SLC35E4: variants seen among roughly 807,000 people sequenced by gnomAD.
SLC35E4 encodes solute carrier family 35 member E4.
In SLC35E4, 15 loss-of-function variants were observed where a neutral mutation model predicts 19.3. The ratio of observed to expected loss-of-function variants is 0.78; its 90% CI spans 0.52 to 1.20. The LOEUF is 1.20. Among genes scored for constraint, SLC35E4 ranks in the 50% most tolerant of loss-of-function variants. The pLI is 0.00. For missense variants in SLC35E4, 406 were observed against 472.3 expected, an observed-to-expected ratio of 0.86 and a Z score of 1.30; for synonymous variants, 219 against 219.9, an observed-to-expected ratio of 1.00 and a Z score of 0.04.
At chr22:30,654,335 TC>T in intron 2 of SLC35E4, 1 of 463,650 alleles carries the variant, frequency 2.2e-6, no homozygotes, top group Non-Finnish European at 4.3e-6. Context: ...TTCTCCTTCC[TC>T]TTCTCCTCCA....
chr22:30,640,363 C>T (rs551477750), intron 1 of SLC35E4, among the ~76,000 whole-genome samples: 1 of 134,332 alleles, frequency 7.4e-6, no homozygotes, highest in South Asian at 2.8e-4. Flanking sequence ...GAGCTAGACT[C>T]CATCTCAAAA....
At chr22:30,668,074 C>T (rs1261377669), downstream of SLC35E4, 1 of 163,010 alleles carries the variant, frequency 6.1e-6, no homozygotes, top group Non-Finnish European at 1.5e-5. Context: ...GACCATGACT[C>T]CCAACCGGCC....
chr22:30,657,906 AAAT>A (rs56297954), intron 2 of SLC35E4, among the ~76,000 whole-genome samples: 57,027 of 129,600 alleles, frequency 0.44, 13,176 homozygotes, highest in Non-Finnish European at 0.52. Context: ...TCTGTCTCAA[AAAT>A]AATAATAATA....
At chr22:30,646,102 C>T (rs1191417261) in intron 1 of SLC35E4, among the ~76,000 whole-genome samples, 7 of 152,194 alleles carry the variant, frequency 4.6e-5, no homozygotes, top group African/African-American at 1.7e-4. Context: ...GCCACCACAC[C>T]CAGCCTTTGT....
At chr22:30,663,452 C>T (rs1400388354), downstream of SLC35E4, 2 of 1,610,156 alleles carry the variant, frequency 1.2e-6, no homozygotes, top group Non-Finnish European at 1.7e-6. Context: ...GTGGAATCAT[C>T]AAACGGACTT....
Position 30,636,412 on chromosome 22 carries a change from C to A in SLC35E4, c.-39C>A. 2 of 1,448,038 alleles carry A rather than the reference C, an allele frequency of 1.4e-6. No individual in the cohort carries two copies. The highest frequency in any genetic ancestry group is 1.4e-5 in the African/African-American group (1 of 70,090). The allele number at this position is 1,448,038 out of a possible 1,614,324, so 89.7% of individuals were successfully genotyped here. On this transcript the variant is annotated 5_prime_UTR_variant, in exon 1 of 2. In the 5' UTR this introduces an upstream ATG that the reference lacks. Transcript: ENST00000343605. The stretch of plus-strand genomic sequence containing the variant: ...CTCTCTGGTGGCCCAGAGGTCGTCA[C>A]TGGGGAGCCCGCCTCCTGCCCTAGC...
intron 2 of SLC35E4, among the ~76,000 whole-genome samples, chr22:30,653,622 C>T (rs896622541): frequency 6.6e-6 from 1 of 152,044 alleles, no homozygotes; most frequent in Admixed American, 6.6e-5. Flanking sequence ...ACCCGCCCCC[C>T]CTCGGCCTCC....
intron 1 of SLC35E4, among the ~76,000 whole-genome samples, chr22:30,638,833 G>T (rs865881696): frequency 6.6e-6 from 1 of 151,990 alleles, no homozygotes; most frequent in African/African-American, 2.4e-5. Flanking sequence ...GGGCCAGGTG[G>T]CATGCACCTG....
Position 30,647,191 on chromosome 22 carries a change from A to G in SLC35E4, c.*160A>G. ...GGTGGGTGGATCACCTGAGGCCAGG[A>G]GTTCGAGACCAGCCTGGCTAACATG... On this transcript the variant is annotated 3_prime_UTR_variant, in exon 2 of 2. Coordinates refer to ENST00000343605, the MANE Select transcript of SLC35E4 (RefSeq NM_001001479.4). 1.2e-6 allele frequency: 1 copy of G among 846,680 alleles called. No homozygotes were observed. The highest frequency in any genetic ancestry group is 1.8e-6 in the Non-Finnish European group (1 of 566,302). 52.4% of individuals were successfully genotyped at this position (846,680 alleles called of 1,614,324 possible). A position where few individuals can be genotyped will look rare whatever the true frequency, so the allele number is the denominator to read the frequency against.
exon 3 of SLC35E4, chr22:30,663,263 TA>T: frequency 1.8e-5 from 12 of 683,814 alleles, no homozygotes; most frequent in African/African-American, 3.6e-5. Flanking sequence ...AGTTTAATCT[TA>T]AAAAAAATGG....
rs555854953 is a variant in SLC35E4, at chr22:30,647,731, G to C, written c.*700G>C. ...TGGCGGTTACACAATCCTTCCTCCT[G>C]GGGGGGAGGCAGCTAGGAGGCCCAG... is the stretch of plus-strand genomic sequence containing the variant. On this transcript the variant is annotated 3_prime_UTR_variant, in exon 2 of 2. Coordinates refer to ENST00000343605, the MANE Select transcript of SLC35E4 (RefSeq NM_001001479.4). The C allele has an allele frequency of 1.4e-4, 22 of 152,256 alleles. No individual in the cohort carries two copies. The East Asian group carries it at 2.7e-3, about 19-fold the overall frequency. The allele number at this position is 152,256 out of a possible 1,614,324, so 9.4% of individuals were successfully genotyped here.
At chr22:30,639,585 G>A (rs1383708547) in intron 1 of SLC35E4, among the ~76,000 whole-genome samples, 1 of 152,134 alleles carries the variant, frequency 6.6e-6, no homozygotes, top group African/African-American at 2.4e-5. Context: ...CCGCCCCCCA[G>A]AAGCAGCCAT....
Position 30,647,003 on chromosome 22 carries a change from G to A in SLC35E4, c.1025G>A (p.Arg342Gln), listed in dbSNP as rs766424419. 138 of 1,609,924 alleles carry A rather than the reference G, an allele frequency of 8.6e-5. No homozygotes were observed. The highest frequency in any genetic ancestry group is 1.3e-4 in the South Asian group (12 of 90,582). The change falls in exon 2 of 2, where the codon CGG becomes CAG. Residue 342 changes from arginine to glutamine, a missense_variant. By Grantham distance (43) the Arg-to-Gln change is conservative. Coordinates refer to ENST00000343605, the MANE Select transcript of SLC35E4 (RefSeq NM_001001479.4). ...ASWAARRGLW[R>Q]RDQPSKGL The stretch of plus-strand genomic sequence containing the variant: ...TGGGCTGCCCGTCGGGGGCTGTGGC[G>A]GAGGGACCAGCCCAGCAAGGGTCTT...
chr22:30,656,729 C>T (rs1239847509), intron 2 of SLC35E4, among the ~76,000 whole-genome samples: 1 of 152,136 alleles, frequency 6.6e-6, no homozygotes, highest in East Asian at 1.9e-4. Context: ...GACGTGGACC[C>T]TCTCAAAAGC....
In SLC35E4 at chr22:30,636,792, T is replaced by G; in HGVS notation, c.342T>G (p.Ser114Arg). The change falls in exon 1 of 2, where the codon AGT becomes AGG. Residue 114 changes from serine to arginine, a missense_variant. Ser to Arg is a moderately radical substitution (Grantham distance 110, BLOSUM62 -1). Transcript: ENST00000343605. Reference protein sequence around the residue: ...GGTRCRVLLLSLTFGTSMACG... With the variant: ...GGTRCRVLLLRLTFGTSMACG... The stretch of plus-strand genomic sequence containing the variant: ...CTCGCTGCCGAGTCCTACTGCTCAG[T>G]CTCACCTTTGGCACGTCCATGGCCT... 6.2e-7 allele frequency: 1 copy of G among 1,612,672 alleles called. No individual in the cohort carries two copies. Among genetic ancestry groups the G allele is most frequent in the Non-Finnish European group, 8.5e-7 (1 of 1,179,614 alleles).
chr22:30,637,673 T>G (rs992950822), intron 1 of SLC35E4, among the ~76,000 whole-genome samples: 2 of 152,170 alleles, frequency 1.3e-5, no homozygotes, highest in African/African-American at 4.8e-5. Context: ...TACAAACCAG[T>G]ATTTAGTGAT....
At chr22:30,648,881 C>T (rs1338210908), downstream of SLC35E4, among the ~76,000 whole-genome samples, 6 of 152,150 alleles carry the variant, frequency 3.9e-5, no homozygotes, top group Non-Finnish European at 8.8e-5. Flanking sequence ...TGACAAGGGA[C>T]TGTGCTCAGG....
chr22:30,638,501 C>CAAA (rs33962458), intron 1 of SLC35E4, among the ~76,000 whole-genome samples: 8 of 64,124 alleles, frequency 1.2e-4, no homozygotes, highest in South Asian at 1.4e-3. Context: ...GACTCCATCT[C>CAAA]AAAAAAAAAA....
downstream of SLC35E4, among the ~76,000 whole-genome samples, chr22:30,648,694 C>T (rs1602082019): frequency 6.6e-6 from 1 of 152,304 alleles, no homozygotes; most frequent in South Asian, 2.1e-4. Flanking sequence ...TGTGCCACTG[C>T]ACTCCAGCTT....
Sources: allele counts gnomAD v4.1 joint callset (sites outside exome capture counted in the v4.1 genomes callset), GRCh38; gene constraint gnomAD v4.1.1; transcripts MANE v1.5; gene names NCBI Gene and HGNC (gene_info 2026-07-23, HGNC 2026-07-21).